TULP4: variants seen among roughly 807,000 people sequenced by gnomAD.
The protein encoded by TULP4 is TUB like protein 4, also known as tubby-related protein 4.
TULP4 carries 16 observed loss-of-function variants against 129.0 expected under a neutral mutation model. The ratio of observed to expected loss-of-function variants is 0.12; its 90% CI spans 0.08 to 0.19. TULP4 has a LOEUF of 0.19. Ranked by LOEUF, TULP4 falls within the 10% of genes least tolerant of loss-of-function variation. The pLI is 1.00. For synonymous variants in TULP4, 998 were observed against 854.0 expected (o/e 1.17, Z -2.94); for missense variants, 1,842 against 2,059.1 (o/e 0.89, Z 2.04).
intron 1 of TULP4, among the ~76,000 whole-genome samples, chr6:158,335,732 A>G (rs1488619708): frequency 2.0e-5 from 3 of 152,202 alleles, no homozygotes; most frequent in Non-Finnish European, 2.9e-5. Flanking sequence ...ACATCTGGAG[A>G]TCATTCCATG....
chr6:158,507,023 C>T lies in TULP4; in HGVS notation c.*329C>T. On this transcript the variant is annotated 3_prime_UTR_variant, in exon 14 of 14. Transcript: ENST00000367097. Reference sequence around the variant, plus strand: ...GCCCTTCAGAATGAAGACAGTCTGCCTTAGAGCCTGCTATTCTTTTAGACA... The same window carrying T: ...GCCCTTCAGAATGAAGACAGTCTGCTTTAGAGCCTGCTATTCTTTTAGACA... 1 of 289,356 alleles carries T rather than the reference C, an allele frequency of 3.5e-6. No homozygotes were observed. Among genetic ancestry groups the T allele is most frequent in the South Asian group, 4.5e-5 (1 of 22,042 alleles). 17.9% of individuals were successfully genotyped at this position (289,356 alleles called of 1,614,324 possible). A position where few individuals can be genotyped will look rare whatever the true frequency, so the allele number is the denominator to read the frequency against.
chr6:158,400,997 A>T lies in TULP4; in HGVS notation c.253-12068A>T, dbSNP rs571266705. 1.1e-4 allele frequency among the ~76,000 whole-genome samples: 16 copies of T among 152,300 alleles called. No homozygotes were observed. The East Asian group carries it at 2.9e-3, about 28-fold the overall frequency. On this transcript the variant is annotated intron_variant, in intron 1 of 13. Coordinates refer to ENST00000367097, the MANE Select transcript of TULP4 (RefSeq NM_020245.5). Reference sequence around the variant, plus strand: ...AAAATAGCTTTTCTGGATTAAGAAGATAAAACCTGCAGGTATTTCCAGGTT... The same window carrying T: ...AAAATAGCTTTTCTGGATTAAGAAGTTAAAACCTGCAGGTATTTCCAGGTT...
At chr6:158,444,662 A>G (rs1355083430) in intron 3 of TULP4, among the ~76,000 whole-genome samples, 1 of 152,228 alleles carries the variant, frequency 6.6e-6, no homozygotes, top group African/African-American at 2.4e-5. Flanking sequence ...ATGATTTTAT[A>G]TCCTGTCTTC....
chr6:158,235,191 A>C (rs1398384255), intron 1 of TULP4, among the ~76,000 whole-genome samples: 1 of 152,054 alleles, frequency 6.6e-6, no homozygotes, highest in Non-Finnish European at 1.5e-5. Flanking sequence ...GAAAAAAAAA[A>C]AAAACTTAAA....
rs534800167 is a variant in TULP4 at position 158,248,159 on chromosome 6, T to C, written n.68+15856T>C. Among the ~76,000 whole-genome samples the C allele has an allele frequency of 2.6e-5, 4 of 152,318 alleles. No individual in the cohort carries two copies. In the South Asian group the frequency reaches 6.2e-4, roughly 24 times the overall value. On this transcript the variant is annotated intron_variant and non_coding_transcript_variant, in intron 1 of 1. Coordinates refer to the TULP4 transcript ENST00000620026. ...GAGAATGCCATTAAAATGTGATGCC[T>C]GGCCGTGCATGGTGGCTCATGCCTG...
At chr6:158,310,578 T>C (rs1389308283), upstream of TULP4, 3 of 152,122 alleles carry the variant, frequency 2.0e-5, no homozygotes, top group African/African-American at 7.2e-5. Context: ...CAACCAGGTA[T>C]CGTGAGAGTT....
chr6:158,352,083 G>T (rs1264617504), intron 1 of TULP4, among the ~76,000 whole-genome samples: 1 of 151,990 alleles, frequency 6.6e-6, no homozygotes, highest in East Asian at 1.9e-4. Context: ...ATTTTCCTTA[G>T]AATAAATACT....
At chr6:158,498,011 T>C (rs540444874) in intron 11 of TULP4, among the ~76,000 whole-genome samples, 1 of 152,378 alleles carries the variant, frequency 6.6e-6, no homozygotes, top group South Asian at 2.1e-4. Context: ...TTGTCTCCTC[T>C]AAATATTTTA....
At chr6:158,311,575 G>A (rs1258844279), upstream of TULP4, among the ~76,000 whole-genome samples, 2 of 152,182 alleles carry the variant, frequency 1.3e-5, no homozygotes, top group Non-Finnish European at 2.9e-5. Flanking sequence ...GGACGAATGA[G>A]TTTTAAAGGC....
chr6:158,321,479 G>C (rs1006299628), intron 1 of TULP4, among the ~76,000 whole-genome samples: 1 of 152,160 alleles, frequency 6.6e-6, no homozygotes, highest in East Asian at 1.9e-4. Context: ...AGATACAAAA[G>C]TGGACACCAG....
At position 158,313,795 on chromosome 6, in the gene TULP4, T is replaced by TA; in HGVS notation, c.-221dup. ...TGTTTTTTTAAGCATTACCTTTTCT[T>TA]AGAAGACTGCCATCATCTTTTATAG... On this transcript the variant is annotated 5_prime_UTR_variant, in exon 1 of 14. Transcript: ENST00000367097. 1 of 545,954 alleles carries TA rather than the reference T, an allele frequency of 1.8e-6. No individual in the cohort carries two copies. The highest frequency in any genetic ancestry group is 3.0e-5 in the South Asian group (1 of 33,556). 33.8% of individuals were successfully genotyped at this position (545,954 alleles called of 1,614,324 possible). A position where few individuals can be genotyped will look rare whatever the true frequency, so the allele number is the denominator to read the frequency against.
chr6:158,250,129 C>A (rs143764993), intron 1 of TULP4, among the ~76,000 whole-genome samples: 2 of 151,504 alleles, frequency 1.3e-5, no homozygotes, highest in Non-Finnish European at 2.9e-5. Flanking sequence ...AGCCACCATT[C>A]CTAGTTAAAA....
intron 8 of TULP4, among the ~76,000 whole-genome samples, chr6:158,484,146 T>C (rs960315820): frequency 2.6e-5 from 4 of 151,978 alleles, no homozygotes; most frequent in African/African-American, 7.2e-5. Flanking sequence ...CAGGCTGGTC[T>C]CACCTCCTGG....
intron 9 of TULP4, among the ~76,000 whole-genome samples, chr6:158,490,048 A>T (rs575520376): frequency 1.6e-4 from 25 of 152,290 alleles, no homozygotes; most frequent in Non-Finnish European, 2.1e-4. Flanking sequence ...TGAGAAAAGG[A>T]AGAAAAAGGT....
Position 158,509,090 on chromosome 6 carries a change from A to G in TULP4, c.*2396A>G, listed in dbSNP as rs1037182530. The stretch of plus-strand genomic sequence containing the variant: ...TTTTTAATAGAGATGGGGTTTTGCC[A>G]TGTTGGCCAGGCTGGTCTTGAACTC... On this transcript the variant is annotated 3_prime_UTR_variant, in exon 14 of 14. Coordinates refer to ENST00000367097, the MANE Select transcript of TULP4 (RefSeq NM_020245.5). 3 of 151,984 alleles carry G rather than the reference A, an allele frequency of 2.0e-5. No individual in the cohort carries two copies. The highest frequency in any genetic ancestry group is 4.2e-4 in the South Asian group (2 of 4,816). 9.4% of individuals were successfully genotyped at this position (151,984 alleles called of 1,614,324 possible). A position where few individuals can be genotyped will look rare whatever the true frequency, so the allele number is the denominator to read the frequency against.
intron 5 of TULP4, among the ~76,000 whole-genome samples, chr6:158,456,833 CAA>C (rs11354887): frequency 9.9e-4 from 125 of 126,008 alleles, no homozygotes; most frequent in Admixed American, 2.0e-3. Flanking sequence ...GACTCCATCT[CAA>C]AAAAAAAAAA....
intron 6 of TULP4, among the ~76,000 whole-genome samples, chr6:158,465,724 G>A (rs1193079132): frequency 6.6e-6 from 1 of 152,132 alleles, no homozygotes; most frequent in Admixed American, 6.5e-5. Flanking sequence ...ATTACAGTCT[G>A]GTTTTGTACA....
At chr6:158,483,953 G>A (rs1198652004) in intron 8 of TULP4, among the ~76,000 whole-genome samples, 1 of 151,336 alleles carries the variant, frequency 6.6e-6, no homozygotes, top group East Asian at 1.9e-4. Context: ...GGGTCTCACG[G>A]TGTCTCCCAG....
At chr6:158,411,273 C>G (rs1472401760) in intron 1 of TULP4, among the ~76,000 whole-genome samples, 2 of 151,858 alleles carry the variant, frequency 1.3e-5, no homozygotes, top group African/African-American at 4.8e-5. Context: ...TGTCAGTATT[C>G]AAAGGTGAAC....
Sources: allele counts gnomAD v4.1 joint callset (sites outside exome capture counted in the v4.1 genomes callset), GRCh38; gene constraint gnomAD v4.1.1; transcripts MANE v1.5; gene names NCBI Gene and HGNC (gene_info 2026-07-23, HGNC 2026-07-21).